PAAF1: variants seen among roughly 807,000 people sequenced by gnomAD.
PAAF1 encodes proteasomal ATPase-associated factor 1.
PAAF1 carries 46 observed loss-of-function variants against 52.8 expected under a neutral mutation model. The ratio of observed to expected loss-of-function variants is 0.87; its 90% CI spans 0.69 to 1.11. The LOEUF is 1.11. Among genes scored for constraint, PAAF1 ranks in the 50% most tolerant of loss-of-function variants. The probability of loss-of-function intolerance (pLI) is 0.00; values close to 1 mark genes in which losing one functional copy is unlikely to be tolerated. For missense variants in PAAF1, 424 were observed against 477.4 expected, an observed-to-expected ratio of 0.89 and a Z score of 1.04; for synonymous variants, 178 against 172.8, an observed-to-expected ratio of 1.03 and a Z score of -0.24.
rs557231773 is a variant in PAAF1, at chr11:73,887,239, T to A, written c.89-115T>A. 4.7e-5 allele frequency: 31 copies of A among 656,804 alleles called. No individual in the cohort carries two copies. The African/African-American group carries it at 5.4e-4, about 11-fold the overall frequency. 40.7% of individuals were successfully genotyped at this position (656,804 alleles called of 1,614,324 possible). On this transcript the variant is annotated intron_variant, in intron 2 of 11. Coordinates refer to ENST00000310571, the MANE Select transcript of PAAF1 (RefSeq NM_025155.3). The stretch of plus-strand genomic sequence containing the variant: ...TTTAACACAGGCACCTGTTTTTCTT[T>A]CGTGGGCCAATTTCATGGGTATACT...
intron 2 of PAAF1, among the ~76,000 whole-genome samples, chr11:73,884,399 G>T (rs1270528199): frequency 6.6e-6 from 1 of 152,174 alleles, no homozygotes; most frequent in Non-Finnish European, 1.5e-5. Context: ...GGAAGCTGAG[G>T]CGGGAGAATC....
chr11:73,902,218 T>C (rs1011887605), intron 6 of PAAF1, among the ~76,000 whole-genome samples: 5 of 152,202 alleles, frequency 3.3e-5, no homozygotes, highest in Admixed American at 3.3e-4. Flanking sequence ...ATGCTGATGT[T>C]TTAGCAAACA....
chr11:73,876,762 A>G, upstream of PAAF1: 1 of 351,916 alleles, frequency 2.8e-6, no homozygotes, highest in South Asian at 1.2e-4. Flanking sequence ...CTCACCGAAC[A>G]GGTGGGAGAA....
chr11:73,908,587 C>T (rs1301500433), intron 6 of PAAF1, among the ~76,000 whole-genome samples: 4 of 151,208 alleles, frequency 2.6e-5, no homozygotes, highest in African/African-American at 9.7e-5. Context: ...TTTGTACAGA[C>T]AGAGTCATGC....
chr11:73,913,830 G>T (rs1469551949), intron 7 of PAAF1, among the ~76,000 whole-genome samples: 2 of 152,030 alleles, frequency 1.3e-5, no homozygotes, highest in Non-Finnish European at 2.9e-5. Flanking sequence ...GTTTTTTGCA[G>T]TATTGTATCC....
intron 8 of PAAF1, 74 bp from the exon 9 acceptor site, chr11:73,916,471 C>G: frequency 2.1e-6 from 2 of 942,324 alleles, no homozygotes; most frequent in Admixed American, 5.1e-5. Flanking sequence ...GAAATTTTTC[C>G]TTTTTTGGTG....
rs531294460 is a variant in PAAF1, at chr11:73,927,340, G to A, written c.1157G>A (p.Arg386His). The change falls in exon 12 of 12, where the codon CGC (arginine) becomes CAC (histidine). Residue 386 changes from arginine (R) to histidine (H), a missense_variant. Transcript: ENST00000310571. ...TGCTGTCGAGACGGTCTTGTACGAC[G>A]CTACCAGCTTTCTGACCTCTGACTT... ...YTCCRDGLVRRYQLSDL is the reference protein window; with the variant it reads ...YTCCRDGLVRHYQLSDL The A allele has an allele frequency of 1.2e-5, 20 of 1,614,044 alleles. No individual in the cohort carries two copies. In the East Asian group the frequency reaches 1.6e-4, roughly 13 times the overall value.
intron 5 of PAAF1, among the ~76,000 whole-genome samples, 200 bp downstream of exon 5, chr11:73,899,444 C>T (rs1189769699): frequency 8.7e-6 from 1 of 114,824 alleles, no homozygotes; most frequent in African/African-American, 3.5e-5. Flanking sequence ...GACAGTCTTG[C>T]TGTGTTGCCC....
At chr11:73,907,673 A>G (rs1385603063) in intron 6 of PAAF1, among the ~76,000 whole-genome samples, 1 of 152,106 alleles carries the variant, frequency 6.6e-6, no homozygotes, top group Non-Finnish European at 1.5e-5. Flanking sequence ...GGGGAATGGG[A>G]GTGCTGCTGC....
chr11:73,905,220 TTGC>T (rs573754693), intron 6 of PAAF1, among the ~76,000 whole-genome samples: 43 of 152,152 alleles, frequency 2.8e-4, no homozygotes, highest in African/African-American at 1.0e-3. Flanking sequence ...ATTCTTGAAA[TTGC>T]TGCTTTCTTT....
chr11:73,922,191 A>T, intron 10 of PAAF1: 1 of 868,998 alleles, frequency 1.2e-6, no homozygotes. Flanking sequence ...GTAAGCTGGC[A>T]TCTTGGTGGC....
chr11:73,897,703 C>T (rs2135166565), intron 4 of PAAF1, among the ~76,000 whole-genome samples: 1 of 148,294 alleles, frequency 6.7e-6, no homozygotes, highest in African/African-American at 2.5e-5. Flanking sequence ...CCAGACTGGG[C>T]AGCCAGGCAG....
chr11:73,896,973 G>C (rs1415247810), intron 4 of PAAF1, among the ~76,000 whole-genome samples: 1 of 135,270 alleles, frequency 7.4e-6, no homozygotes, highest in Admixed American at 7.4e-5. Context: ...TGGCCGGGCG[G>C]GGGGGCTGAC....
At chr11:73,897,308 C>G (rs1280226114) in intron 4 of PAAF1, among the ~76,000 whole-genome samples, 1 of 151,492 alleles carries the variant, frequency 6.6e-6, no homozygotes, top group Non-Finnish European at 1.5e-5. Context: ...CCCTCCCGGA[C>G]GAGGTGGCTG....
intron 6 of PAAF1, among the ~76,000 whole-genome samples, chr11:73,907,011 T>G (rs1197598428): frequency 6.6e-6 from 1 of 152,156 alleles, no homozygotes; most frequent in African/African-American, 2.4e-5. Context: ...CAACTCTGTG[T>G]TTTTACACCT....
At chr11:73,878,691 G>T in intron 1 of PAAF1, 88 bp from the exon 2 acceptor site, 2 of 1,188,482 alleles carry the variant, frequency 1.7e-6, no homozygotes, top group South Asian at 2.6e-5. Flanking sequence ...CCAAGCTGGA[G>T]GTTACATGAC....
Position 73,926,058 on chromosome 11 carries a change from A to G in PAAF1, c.1102-1227A>G, listed in dbSNP as rs187572857. 3.4e-3 allele frequency among the ~76,000 whole-genome samples: 522 copies of G among 151,968 alleles called. 2 individuals carry two copies. The highest frequency in any genetic ancestry group is 0.012 in the African/African-American group (502 of 41,428). On this transcript the variant is annotated intron_variant, in intron 11 of 11. Transcript: ENST00000310571. ...GCCCTGTGACTTTTTTTTAATTACC[A>G]TCTTAGAGCTGTTTCCAGGTAAATG...
intron 6 of PAAF1, among the ~76,000 whole-genome samples, chr11:73,906,615 C>T (rs1312437340): frequency 6.6e-6 from 1 of 152,128 alleles, no homozygotes; most frequent in African/African-American, 2.4e-5. Flanking sequence ...TTAGGTCCCA[C>T]CTGAGTTGCT....
rs1292844146 is a variant in PAAF1, at chr11:73,928,338, A to G, written c.*976A>G. On this transcript the variant is annotated 3_prime_UTR_variant, in exon 12 of 12. Coordinates refer to ENST00000310571, the MANE Select transcript of PAAF1 (RefSeq NM_025155.3). Reference sequence around the variant, plus strand: ...GAGGCCACAGAGGTTGGCAGAGCCCAAATAGTGAAGGAGCACGAATGTTAG... The same window carrying G: ...GAGGCCACAGAGGTTGGCAGAGCCCGAATAGTGAAGGAGCACGAATGTTAG... 2.0e-5 allele frequency: 3 copies of G among 152,246 alleles called. No individual in the cohort carries two copies. Among genetic ancestry groups the G allele is most frequent in the Non-Finnish European group, 4.4e-5 (3 of 68,060 alleles). The allele number at this position is 152,246 out of a possible 1,614,324, so 9.4% of individuals were successfully genotyped here.
Sources: allele counts gnomAD v4.1 joint callset (sites outside exome capture counted in the v4.1 genomes callset), GRCh38; gene constraint gnomAD v4.1.1; transcripts MANE v1.5; gene names NCBI Gene and HGNC (gene_info 2026-07-23, HGNC 2026-07-21).